Variants in THEMIS observed in about 807,000 individuals in gnomAD.
The protein encoded by THEMIS is thymocyte selection associated.
THEMIS carries 37 observed loss-of-function variants against 52.6 expected under a neutral mutation model. The observed-to-expected ratio is 0.70, with a 90% CI of 0.54 to 0.93. The LOEUF (loss-of-function observed/expected upper bound fraction) is 0.93. Ranked by LOEUF, THEMIS falls within the 40% of genes least tolerant of loss-of-function variation. The pLI is 0.00. For synonymous variants in THEMIS, 292 were observed against 272.7 expected, an observed-to-expected ratio of 1.07 and a Z score of -0.70; for missense variants, 808 against 763.1, an observed-to-expected ratio of 1.06 and a Z score of -0.69.
At chr6:127,738,128 C>T (rs1194563053) in intron 4 of THEMIS, among the ~76,000 whole-genome samples, 2 of 152,084 alleles carry the variant, frequency 1.3e-5, no homozygotes, top group Non-Finnish European at 2.9e-5. Flanking sequence ...TCCCCTCACT[C>T]CCACTCAATA....
intron 2 of THEMIS, among the ~76,000 whole-genome samples, chr6:127,837,579 G>A (rs1319807886): frequency 3.3e-5 from 5 of 151,804 alleles, no homozygotes; most frequent in African/African-American, 1.2e-4. Flanking sequence ...TTGTGTGTTT[G>A]TGTTTCTGTG....
chr6:127,825,407 G>A (rs2114647280), intron 3 of THEMIS, among the ~76,000 whole-genome samples: 1 of 152,296 alleles, frequency 6.6e-6, no homozygotes, highest in African/African-American at 2.4e-5. Flanking sequence ...GAAGATAAGG[G>A]AGTAAAGTTT....
At chr6:127,702,764 T>C in the THEMIS span, among the ~76,000 whole-genome samples, 1 of 152,124 alleles carries the variant, frequency 6.6e-6, no homozygotes, top group African/African-American at 2.4e-5. Flanking sequence ...TTCACAATCA[T>C]GGCAGAAGGT....
chr6:127,788,060 T>C (rs748475492), intron 4 of THEMIS, among the ~76,000 whole-genome samples: 3 of 152,144 alleles, frequency 2.0e-5, no homozygotes, highest in Non-Finnish European at 4.4e-5. Flanking sequence ...TATACCACCA[T>C]GGACTCACAA....
upstream of THEMIS, among the ~76,000 whole-genome samples, chr6:127,905,630 T>C (rs11759373): frequency 0.18 from 27,060 of 151,990 alleles, 3,175 homozygotes; most frequent in Middle Eastern, 0.3. Flanking sequence ...TTGTGGAGTT[T>C]TGAATATATC....
At chr6:127,706,922 A>T (rs1773815701), downstream of THEMIS, among the ~76,000 whole-genome samples, 1 of 152,118 alleles carries the variant, frequency 6.6e-6, no homozygotes, top group Admixed American at 6.6e-5. Flanking sequence ...TACACTGCTA[A>T]TAAAGGTATA....
chr6:127,788,369 A>T lies in THEMIS; in HGVS notation c.1758+24514T>A, dbSNP rs578108072. ...GACACCAACCTAGTGACTTTCCCTG[A>T]TTTACTCTACAGCTTTTGGTATTGA... On this transcript the variant is annotated intron_variant, in intron 4 of 5. Transcript: ENST00000368248. 9.8e-5 allele frequency among the ~76,000 whole-genome samples: 15 copies of T among 152,292 alleles called. No individual in the cohort carries two copies. In the East Asian group the frequency reaches 2.5e-3, roughly 25 times the overall value.
intron 4 of THEMIS, among the ~76,000 whole-genome samples, chr6:127,787,384 C>T (rs1217503260): frequency 6.6e-6 from 1 of 152,118 alleles, no homozygotes; most frequent in African/African-American, 2.4e-5. Context: ...TATCACTAGT[C>T]CACTAGGTCC....
intron 1 of THEMIS, among the ~76,000 whole-genome samples, chr6:127,862,726 G>T (rs1314269204): frequency 3.3e-5 from 5 of 151,646 alleles, no homozygotes; most frequent in Non-Finnish European, 7.4e-5. Flanking sequence ...AGCCCCAGGA[G>T]ATGAATTCTA....
chr6:127,905,653 AG>A (rs1315240870), upstream of THEMIS, among the ~76,000 whole-genome samples: 1 of 152,062 alleles, frequency 6.6e-6, no homozygotes, highest in Non-Finnish European at 1.5e-5. Context: ...CACTATATAT[AG>A]TTCATGCAAT....
Position 127,737,665 on chromosome 6 carries a change from A to G in THEMIS, c.1759-17842T>C, listed in dbSNP as rs531090519. ...TGAGGATTTTACTCACTACATGGGC[A>G]CAAATATATCATAAACTAATTCAAG... On this transcript the variant is annotated intron_variant, in intron 4 of 5. Coordinates refer to ENST00000368248, the MANE Select transcript of THEMIS (RefSeq NM_001010923.3). 4.6e-5 allele frequency among the ~76,000 whole-genome samples: 7 copies of G among 152,346 alleles called. No individual in the cohort carries two copies. The South Asian group carries it at 8.3e-4, about 18-fold the overall frequency.
intron 1 of THEMIS, among the ~76,000 whole-genome samples, chr6:127,891,822 C>T (rs1467557757): frequency 1.3e-5 from 2 of 152,114 alleles, no homozygotes; most frequent in South Asian, 2.1e-4. Flanking sequence ...CCTTGAAATG[C>T]TCTTGCCCAC....
chr6:127,829,975 A>G (rs1158214612), intron 2 of THEMIS, 41 bp from the exon 3 acceptor site: 1 of 1,459,436 alleles, frequency 6.9e-7, no homozygotes, highest in East Asian at 2.3e-5. Flanking sequence ...GAGTTCTTAC[A>G]ATGAAAGTTC....
At chr6:127,759,188 T>G (rs1359775775) in intron 4 of THEMIS, among the ~76,000 whole-genome samples, 4 of 152,156 alleles carry the variant, frequency 2.6e-5, no homozygotes, top group African/African-American at 9.6e-5. Context: ...TAAAGATGCT[T>G]GATTATAAGA....
downstream of THEMIS, among the ~76,000 whole-genome samples, chr6:127,707,309 G>A (rs575384231): frequency 4.8e-4 from 73 of 152,250 alleles, no homozygotes; most frequent in Middle Eastern, 0.01. Flanking sequence ...CGAATAGGAA[G>A]AGTACAGAGA....
downstream of THEMIS, among the ~76,000 whole-genome samples, chr6:127,704,874 A>C (rs1438967097): frequency 6.6e-6 from 1 of 152,228 alleles, no homozygotes; most frequent in Non-Finnish European, 1.5e-5. Context: ...AATAAAATGA[A>C]GTGGATCCAT....
intron 4 of THEMIS, among the ~76,000 whole-genome samples, chr6:127,781,833 C>A (rs1317693359): frequency 2.0e-5 from 3 of 152,064 alleles, no homozygotes; most frequent in Non-Finnish European, 2.9e-5. Flanking sequence ...GTCTGTCGAC[C>A]CCTCCCAGGA....
At chr6:127,734,817 C>T (rs570082070) in intron 4 of THEMIS, among the ~76,000 whole-genome samples, 10 of 130,574 alleles carry the variant, frequency 7.7e-5, no homozygotes, top group Non-Finnish European at 1.1e-4. Context: ...TGCAATGAGC[C>T]GAGATTACAC....
chr6:127,697,751 A>G, the THEMIS span, among the ~76,000 whole-genome samples: 1 of 152,104 alleles, frequency 6.6e-6, no homozygotes, highest in Non-Finnish European at 1.5e-5. Context: ...TTTTAATGAA[A>G]TGTTCATTTT....
Sources: gnomAD v4.1 joint callset for allele counts (sites outside exome capture counted in the v4.1 genomes callset) on GRCh38, gnomAD v4.1.1 for gene constraint, MANE v1.5 for transcripts, NCBI Gene and HGNC (gene_info 2026-07-23, HGNC 2026-07-21) for gene names.